NKAIN2: variants seen among roughly 807,000 people sequenced by gnomAD.
The protein encoded by NKAIN2 is sodium/potassium transporting ATPase interacting 2.
In NKAIN2, 14 loss-of-function variants were observed where a neutral mutation model predicts 32.6. That is an observed-to-expected ratio of 0.43 (90% CI 0.28 to 0.67). The LOEUF (loss-of-function observed/expected upper bound fraction) is 0.67. NKAIN2 is among the 30% of genes least tolerant of loss of function. NKAIN2 has a pLI of 0.17. For synonymous variants in NKAIN2, 80 were observed against 87.2 expected (o/e 0.92, Z 0.46); for missense variants, 198 against 258.3 (o/e 0.77, Z 1.60).
chr6:124,017,655 C>T (rs2114751352), intron 1 of NKAIN2, among the ~76,000 whole-genome samples: 1 of 152,256 alleles, frequency 6.6e-6, no homozygotes, highest in Middle Eastern at 3.4e-3. Flanking sequence ...GCAGTCAAAT[C>T]TTAAAGCTCC....
At chr6:124,579,045 C>T (rs559388386) in intron 3 of NKAIN2, among the ~76,000 whole-genome samples, 1 of 152,162 alleles carries the variant, frequency 6.6e-6, no homozygotes, top group Admixed American at 6.5e-5. Context: ...TTGGGGTACT[C>T]CCTAATGCAA....
chr6:124,125,105 T>A (rs1389869559), intron 1 of NKAIN2, among the ~76,000 whole-genome samples: 1 of 152,208 alleles, frequency 6.6e-6, no homozygotes, highest in Non-Finnish European at 1.5e-5. Context: ...TAAATATTTT[T>A]AAATAACAGT....
At chr6:124,123,417 G>T (rs77443591) in intron 1 of NKAIN2, among the ~76,000 whole-genome samples, 3,446 of 152,190 alleles carry the variant, frequency 0.023, 42 homozygotes, top group Non-Finnish European at 0.028. Flanking sequence ...GTAAAGAGTA[G>T]CTAATTCTTG....
At chr6:124,533,701 A>G (rs928292946) in intron 3 of NKAIN2, among the ~76,000 whole-genome samples, 6 of 152,080 alleles carry the variant, frequency 3.9e-5, no homozygotes, top group Admixed American at 1.3e-4. Flanking sequence ...GTTCATTCCT[A>G]TATTTATGGG....
intron 2 of NKAIN2, among the ~76,000 whole-genome samples, chr6:124,315,632 A>G (rs188936470): frequency 6.6e-6 from 1 of 152,276 alleles, no homozygotes; most frequent in Admixed American, 6.6e-5. Context: ...TTAATTTTCC[A>G]AAGTGTCGAA....
At chr6:124,384,425 A>G (rs1245954134) in intron 3 of NKAIN2, among the ~76,000 whole-genome samples, 1 of 152,168 alleles carries the variant, frequency 6.6e-6, no homozygotes, top group East Asian at 1.9e-4. Flanking sequence ...TTCACCAAGA[A>G]TAAGTGGGGT....
At chr6:124,640,378 A>G (rs929706335) in intron 3 of NKAIN2, among the ~76,000 whole-genome samples, 2 of 152,206 alleles carry the variant, frequency 1.3e-5, no homozygotes, top group African/African-American at 4.8e-5. Context: ...TTGTGGCCTC[A>G]GGTGAGTTCT....
intron 4 of NKAIN2, among the ~76,000 whole-genome samples, chr6:124,708,750 G>A (rs1025460867): frequency 6.6e-6 from 1 of 151,902 alleles, no homozygotes; most frequent in African/African-American, 2.4e-5. Flanking sequence ...TGAGACAATG[G>A]GGTTTTCTAG....
chr6:124,706,000 A>G (rs1775042910), intron 4 of NKAIN2, among the ~76,000 whole-genome samples: 1 of 152,080 alleles, frequency 6.6e-6, no homozygotes, highest in Non-Finnish European at 1.5e-5. Context: ...ATTGATAATG[A>G]TGACAACAAA....
chr6:123,840,325 A>G (rs1163278613), intron 1 of NKAIN2, among the ~76,000 whole-genome samples: 1 of 152,100 alleles, frequency 6.6e-6, no homozygotes, highest in African/African-American at 2.4e-5. Context: ...ATAAATTTAT[A>G]TCTCTTCTGC....
chr6:124,360,319 A>G (rs1020941177), intron 3 of NKAIN2, among the ~76,000 whole-genome samples: 5 of 152,082 alleles, frequency 3.3e-5, no homozygotes, highest in Admixed American at 6.6e-5. Flanking sequence ...CTCTTTTTCT[A>G]TTGATTAGGC....
intron 3 of NKAIN2, among the ~76,000 whole-genome samples, chr6:124,637,108 C>T (rs555483693): frequency 6.6e-6 from 1 of 152,138 alleles, no homozygotes; most frequent in East Asian, 1.9e-4. Context: ...AAATGTGATG[C>T]ATTATATCAA....
At chr6:124,675,518 T>C (rs1163003926) in intron 4 of NKAIN2, among the ~76,000 whole-genome samples, 2 of 152,112 alleles carry the variant, frequency 1.3e-5, no homozygotes, top group Non-Finnish European at 2.9e-5. Context: ...AAACTGCTTG[T>C]TCTTGGACTT....
intron 3 of NKAIN2, among the ~76,000 whole-genome samples, chr6:124,488,064 T>C (rs2114717599): frequency 6.6e-6 from 1 of 152,244 alleles, no homozygotes; most frequent in East Asian, 1.9e-4. Flanking sequence ...ATATAGTGCA[T>C]TGTGCATCAC....
chr6:124,008,744 C>G (rs1780189977), intron 1 of NKAIN2, among the ~76,000 whole-genome samples: 1 of 152,112 alleles, frequency 6.6e-6, no homozygotes, highest in Non-Finnish European at 1.5e-5. Context: ...TGATAAGTGA[C>G]TCTGATAAAG....
intron 1 of NKAIN2, among the ~76,000 whole-genome samples, chr6:123,933,155 G>A (rs1293327751): frequency 1.3e-5 from 2 of 152,058 alleles, no homozygotes; most frequent in African/African-American, 2.4e-5. Context: ...GCAGAAAAAA[G>A]TATCATTAAA....
intron 3 of NKAIN2, among the ~76,000 whole-genome samples, chr6:124,559,755 G>A (rs1477812869): frequency 5.3e-5 from 8 of 151,382 alleles, no homozygotes; most frequent in African/African-American, 1.9e-4. Flanking sequence ...CTGGGTTCTG[G>A]TCTGAGGACT....
intron 3 of NKAIN2, among the ~76,000 whole-genome samples, chr6:124,603,233 C>T (rs1413336681): frequency 6.6e-6 from 1 of 151,916 alleles, no homozygotes; most frequent in Non-Finnish European, 1.5e-5. Context: ...AGTATTTTCC[C>T]TGTTCCCTGC....
At position 123,985,114 on chromosome 6, in the gene NKAIN2, TC is replaced by T. The variant is rs573353386; in HGVS notation, c.54+180861del. ...TAAATTCTACTGGTAAAAAATTGTA[TC>T]AGGCCAAGAGCGGTGGCTCACCCCT... On this transcript the variant is annotated intron_variant, in intron 1 of 6. Transcript: ENST00000368417. Among the ~76,000 whole-genome samples, 6 of 152,272 alleles carry T rather than the reference TC, an allele frequency of 3.9e-5. No individual in the cohort carries two copies. The East Asian group carries it at 1.2e-3, about 29-fold the overall frequency.
Sources: gnomAD v4.1 joint callset for allele counts (sites outside exome capture counted in the v4.1 genomes callset) on GRCh38, gnomAD v4.1.1 for gene constraint, MANE v1.5 for transcripts, NCBI Gene and HGNC (gene_info 2026-07-23, HGNC 2026-07-21) for gene names.